Variants in TSHZ2 observed in about 807,000 individuals in gnomAD.
TSHZ2 encodes the protein teashirt zinc finger homeobox 2.
Under a neutral mutation model 74.4 loss-of-function variants are expected in TSHZ2, and 21 were observed. That is an observed-to-expected ratio of 0.28 (90% CI 0.20 to 0.41). TSHZ2 has a LOEUF of 0.41. Among genes scored for constraint, TSHZ2 ranks in the 10% least tolerant of loss-of-function variants. The pLI is 1.00. For synonymous variants in TSHZ2, 540 were observed against 515.3 expected (o/e 1.05, Z -0.65); for missense variants, 1,244 against 1,293.5 (o/e 0.96, Z 0.59).
chr20:53,007,901 T>C (rs1982705064), intron 1 of TSHZ2, among the ~76,000 whole-genome samples: 1 of 152,022 alleles, frequency 6.6e-6, no homozygotes, highest in Non-Finnish European at 1.5e-5. Context: ...CAGCAAATGG[T>C]CTGGCTGTGT....
intron 1 of TSHZ2, chr20:53,196,157 G>A (rs1988860017): frequency 1.3e-5 from 2 of 152,028 alleles, no homozygotes; most frequent in Non-Finnish European, 2.9e-5. Context: ...TTATGCCTCT[G>A]ATCAAAAGAA....
chr20:53,238,223 G>T (rs189378694), intron 1 of TSHZ2, among the ~76,000 whole-genome samples: 6 of 152,254 alleles, frequency 3.9e-5, no homozygotes, highest in Admixed American at 3.3e-4. Context: ...TTCAAAGTAT[G>T]TATTGAGCAC....
chr20:53,081,756 G>A (rs1985542623), intron 1 of TSHZ2, among the ~76,000 whole-genome samples: 2 of 152,132 alleles, frequency 1.3e-5, no homozygotes, highest in African/African-American at 4.8e-5. Flanking sequence ...ACTGACAGGA[G>A]CTTTGTTCTC....
intron 1 of TSHZ2, among the ~76,000 whole-genome samples, chr20:53,067,843 C>T (rs1985041544): frequency 6.6e-6 from 1 of 152,184 alleles, no homozygotes; most frequent in Non-Finnish European, 1.5e-5. Context: ...AATGTACTGT[C>T]TCAGAGCTTC....
intron 1 of TSHZ2, among the ~76,000 whole-genome samples, chr20:53,003,023 C>T (rs1357366293): frequency 2.6e-5 from 4 of 152,154 alleles, no homozygotes; most frequent in Non-Finnish European, 5.9e-5. Flanking sequence ...AATTGTGCTT[C>T]TACGTTGTAG....
chr20:53,240,721 T>TGATAGATAGATAGATAGATAGATA (rs11468792), intron 1 of TSHZ2, among the ~76,000 whole-genome samples: 1 of 145,042 alleles, frequency 6.9e-6, no homozygotes, highest in Admixed American at 7.0e-5. Flanking sequence ...GATAGATAGA[T>TGATAGATAGATAGATAGATAGATA]GATAGATAGA....
intron 1 of TSHZ2, among the ~76,000 whole-genome samples, chr20:53,050,983 A>G (rs949788963): frequency 1.3e-5 from 2 of 152,234 alleles, no homozygotes; most frequent in East Asian, 3.8e-4. Flanking sequence ...ATTAATACAC[A>G]TTGCAGATCT....
At chr20:53,178,122 A>T (rs889738121) in intron 1 of TSHZ2, 4 of 152,278 alleles carry the variant, frequency 2.6e-5, no homozygotes, top group East Asian at 1.9e-4. Context: ...AATTTCCATA[A>T]ATTAACCTCT....
At chr20:53,149,854 G>C (rs896889397) in intron 1 of TSHZ2, among the ~76,000 whole-genome samples, 1 of 152,142 alleles carries the variant, frequency 6.6e-6, no homozygotes, top group Non-Finnish European at 1.5e-5. Flanking sequence ...AAGCACGCTC[G>C]GAAAATGCCC....
chr20:53,158,641 C>T (rs1035160525), intron 1 of TSHZ2, among the ~76,000 whole-genome samples: 4 of 152,184 alleles, frequency 2.6e-5, no homozygotes, highest in African/African-American at 7.2e-5. Context: ...CTATCAACAT[C>T]CATTTCCAAG....
chr20:53,365,966 A>G (rs1981242464), intron 2 of TSHZ2, among the ~76,000 whole-genome samples: 1 of 152,122 alleles, frequency 6.6e-6, no homozygotes, highest in African/African-American at 2.4e-5. Context: ...ATAATCCTCA[A>G]CCTTGGAGAT....
In TSHZ2 at chr20:53,192,541, G is replaced by A. The variant is rs1270166667; in HGVS notation, c.41-60958G>A. On this transcript the variant is annotated intron_variant, in intron 1 of 2. Coordinates refer to ENST00000371497, the MANE Select transcript of TSHZ2 (RefSeq NM_173485.6). ...TTCCAATTTTAAGGTGAGCACAAAA[G>A]GAAGGACAATTTAGTGTCTGGAAAA... 5.4e-5 allele frequency among the ~76,000 whole-genome samples: 8 copies of A among 148,126 alleles called. No homozygotes were observed. In the East Asian group the frequency reaches 1.4e-3, roughly 26 times the overall value.
At chr20:53,267,110 G>A (rs1249606587) in intron 2 of TSHZ2, among the ~76,000 whole-genome samples, 2 of 152,178 alleles carry the variant, frequency 1.3e-5, no homozygotes, top group Non-Finnish European at 2.9e-5. Flanking sequence ...ACAGGTAAAC[G>A]TTGATGGCAC....
intron 1 of TSHZ2, among the ~76,000 whole-genome samples, chr20:53,244,671 T>C (rs1166339592): frequency 6.6e-6 from 1 of 152,232 alleles, no homozygotes; most frequent in Non-Finnish European, 1.5e-5. Flanking sequence ...TTTAAACATT[T>C]GTCACCTCTC....
intron 1 of TSHZ2, among the ~76,000 whole-genome samples, chr20:53,142,673 C>T (rs984046371): frequency 3.9e-5 from 6 of 152,170 alleles, no homozygotes; most frequent in Non-Finnish European, 5.9e-5. Context: ...AGTTGTTATA[C>T]ATTGGCAGCC....
chr20:53,460,361 T>A (rs1985306655), intron 2 of TSHZ2, among the ~76,000 whole-genome samples: 1 of 151,894 alleles, frequency 6.6e-6, no homozygotes, highest in South Asian at 2.1e-4. Context: ...GCTTCTGCAT[T>A]CTTCACGTAG....
intron 1 of TSHZ2, among the ~76,000 whole-genome samples, chr20:53,006,075 C>T (rs575348503): frequency 6.2e-4 from 94 of 152,300 alleles, no homozygotes; most frequent in African/African-American, 2.1e-3. Flanking sequence ...AGTTCCATTG[C>T]CACTTCATTC....
At chr20:53,020,831 CCA>C (rs1983216211) in intron 1 of TSHZ2, among the ~76,000 whole-genome samples, 1 of 152,176 alleles carries the variant, frequency 6.6e-6, no homozygotes, top group African/African-American at 2.4e-5. Flanking sequence ...AGAGAAATCT[CCA>C]CAGTCTTCCA....
At chr20:53,164,011 A>G (rs1002223113) in intron 1 of TSHZ2, among the ~76,000 whole-genome samples, 4 of 152,234 alleles carry the variant, frequency 2.6e-5, no homozygotes, top group African/African-American at 9.6e-5. Flanking sequence ...AACATCATCA[A>G]GTAGGAGTAT....
Sources: allele counts gnomAD v4.1 joint callset (sites outside exome capture counted in the v4.1 genomes callset), GRCh38; gene constraint gnomAD v4.1.1; transcripts MANE v1.5; gene names NCBI Gene and HGNC (gene_info 2026-07-23, HGNC 2026-07-21).